The following CERT1 variants were observed in gnomAD, a reference collection of about 807,000 sequenced individuals.
CERT1 encodes ceramide transfer protein.
In CERT1, 31 loss-of-function variants were observed where a neutral mutation model predicts 87.9. The ratio of observed to expected loss-of-function variants is 0.35; its 90% CI spans 0.27 to 0.48. CERT1 has a LOEUF of 0.48. CERT1 is among the 20% of genes least tolerant of loss of function. CERT1 has a pLI of 0.99. For synonymous variants in CERT1, 289 were observed against 250.9 expected, an observed-to-expected ratio of 1.15 and a Z score of -1.44; for missense variants, 487 against 758.0, an observed-to-expected ratio of 0.64 and a Z score of 4.20.
intron 9 of CERT1, 40 bp from the exon 10 acceptor site, chr5:75,400,337 G>A: frequency 7.0e-7 from 1 of 1,426,290 alleles, no homozygotes; most frequent in Non-Finnish European, 9.8e-7. Context: ...AGGTTTTAAA[G>A]TGTATTTTGT....
At chr5:75,447,481 A>ATTTATTTTTTAT (rs1554041359) in intron 3 of CERT1, among the ~76,000 whole-genome samples, 4 of 133,180 alleles carry the variant, frequency 3.0e-5, no homozygotes, top group African/African-American at 1.2e-4. Context: ...TTTATTTTTT[A>ATTTATTTTTTAT]TTTTTTTGAG....
intron 3 of CERT1, among the ~76,000 whole-genome samples, chr5:75,454,764 G>A (rs558678073): frequency 4.6e-5 from 7 of 152,290 alleles, no homozygotes; most frequent in African/African-American, 1.7e-4. Flanking sequence ...GGGATTTGAA[G>A]CAAATTGGAA....
At position 75,379,195 on chromosome 5, in the gene CERT1, GACA is replaced by G; in HGVS notation, c.*148_*150del. 7.1e-6 allele frequency: 5 copies of G among 705,644 alleles called. No individual in the cohort carries two copies. The South Asian group carries it at 1.0e-4, about 14-fold the overall frequency. 43.7% of individuals were successfully genotyped at this position (705,644 alleles called of 1,614,324 possible). On this transcript the variant is annotated 3_prime_UTR_variant, in exon 17 of 17. Transcript: ENST00000643780. The stretch of plus-strand genomic sequence containing the variant: ...AGACCCTGTTTAAAACAACAACAAC[GACA>G]ACAACAAAAACCAACGAAACAATAC...
At chr5:75,464,369 A>G (rs892302617) in intron 2 of CERT1, among the ~76,000 whole-genome samples, 8 of 152,152 alleles carry the variant, frequency 5.3e-5, no homozygotes, top group African/African-American at 1.9e-4. Context: ...GCATAGTAAC[A>G]TTAGAGGCCC....
At chr5:75,435,678 A>C (rs1163070002) in intron 3 of CERT1, among the ~76,000 whole-genome samples, 1 of 152,072 alleles carries the variant, frequency 6.6e-6, no homozygotes, top group Admixed American at 6.5e-5. Flanking sequence ...GTTTCTGGAC[A>C]CTTTAAGGGG....
chr5:75,446,583 G>A (rs946330474), intron 3 of CERT1, among the ~76,000 whole-genome samples: 5 of 151,906 alleles, frequency 3.3e-5, no homozygotes, highest in African/African-American at 4.8e-5. Context: ...TTTTTTTGTT[G>A]AAAACTGGAA....
chr5:75,484,529 C>T (rs1224570105), intron 2 of CERT1, among the ~76,000 whole-genome samples: 3 of 146,184 alleles, frequency 2.1e-5, no homozygotes, highest in Non-Finnish European at 4.5e-5. Flanking sequence ...TATAAAGACA[C>T]AGACTGAAAA....
chr5:75,469,425 C>A (rs1765615833), intron 2 of CERT1, among the ~76,000 whole-genome samples: 1 of 151,882 alleles, frequency 6.6e-6, no homozygotes, highest in Admixed American at 6.6e-5. Flanking sequence ...ACTTTGCAAA[C>A]CTGGATTCAA....
At chr5:75,431,519 A>C (rs932180399) in intron 3 of CERT1, among the ~76,000 whole-genome samples, 2 of 152,200 alleles carry the variant, frequency 1.3e-5, no homozygotes, top group Non-Finnish European at 2.9e-5. Context: ...AACTGTTGGC[A>C]TCACCCACCT....
chr5:75,479,205 T>A (rs1766116025), intron 2 of CERT1, among the ~76,000 whole-genome samples: 1 of 152,294 alleles, frequency 6.6e-6, no homozygotes, highest in South Asian at 2.1e-4. Flanking sequence ...TTGCAAACAT[T>A]ATTAAACTAA....
chr5:75,420,647 CA>C (rs1474177627), intron 5 of CERT1, among the ~76,000 whole-genome samples: 1 of 152,134 alleles, frequency 6.6e-6, no homozygotes, highest in Non-Finnish European at 1.5e-5. Flanking sequence ...TAATTCCAGA[CA>C]AAAACAGAAT....
intron 12 of CERT1, among the ~76,000 whole-genome samples, chr5:75,388,599 C>CATATATATATATATATATATATATATAT (rs59799780): frequency 1.1e-5 from 1 of 91,858 alleles, no homozygotes; most frequent in Non-Finnish European, 2.4e-5. Context: ...AGCATGCATG[C>CATATATATATATATATATATATATATAT]ATATATATAT....
intron 3 of CERT1, among the ~76,000 whole-genome samples, chr5:75,434,245 C>G (rs1763996478): frequency 7.0e-6 from 1 of 143,390 alleles, no homozygotes; most frequent in African/African-American, 2.6e-5. Context: ...TTCCTGTTAT[C>G]CACTGAGATG....
intron 6 of CERT1, among the ~76,000 whole-genome samples, chr5:75,417,761 G>A (rs2112153069): frequency 6.6e-6 from 1 of 152,326 alleles, no homozygotes; most frequent in South Asian, 2.1e-4. Flanking sequence ...ACACTGTTAA[G>A]AGGATAAAGA....
In CERT1 at chr5:75,400,283, C is replaced by T. The variant is rs781310900; in HGVS notation, c.1032G>A (p.Lys344=). ...DKIEEQSQSE[K]VRLHWPTSLP... is the part of the protein sequence containing the mutation. ...AGGATGTAGGCCAATGTAATCTCAC[C>T]TTTTCACTCTGTGACTAAAAAAACA... The change falls in exon 10 of 17, where the codon AAG becomes AAA. Residue 344 remains lysine, a synonymous_variant. Coordinates refer to ENST00000643780, the MANE Select transcript of CERT1 (RefSeq NM_001379029.1). 4 of 1,612,368 alleles carry T rather than the reference C, an allele frequency of 2.5e-6. No individual in the cohort carries two copies. Among genetic ancestry groups the T allele is most frequent in the Non-Finnish European group, 3.4e-6 (4 of 1,178,564 alleles).
Position 75,386,029 on chromosome 5 carries a change from G to A in CERT1, c.1290C>T (p.Tyr430=). ...TCCCATTTTCTTCTACTTCTCTTCT[G>A]TATACCTAAAGAGAACATAATTCCA... ...LVVEEGEMKV[Y]RREVEENGIV... Residue 430 remains tyrosine, a synonymous_variant, in exon 13 of 17, where the codon TAC becomes TAT. Transcript: ENST00000643780. 6.5e-7 allele frequency: 1 copy of A among 1,541,992 alleles called. No homozygotes were observed. The highest frequency in any genetic ancestry group is 8.7e-7 in the Non-Finnish European group (1 of 1,147,118).
At chr5:75,482,072 A>G (rs1766271599) in intron 2 of CERT1, among the ~76,000 whole-genome samples, 1 of 152,172 alleles carries the variant, frequency 6.6e-6, no homozygotes, top group Non-Finnish European at 1.5e-5. Flanking sequence ...TTCTAAAACT[A>G]CTTCTTTCCT....
Position 75,422,191 on chromosome 5 carries a change from G to A in CERT1, c.596-2767C>T, listed in dbSNP as rs562635854. On this transcript the variant is annotated intron_variant, in intron 5 of 16. Transcript: ENST00000643780. Reference sequence around the variant, plus strand: ...AATTATTTCTTTTTTAAAGCTCCCCGAGATGATTACAGTATCAGCCAGACA... The same window carrying A: ...AATTATTTCTTTTTTAAAGCTCCCCAAGATGATTACAGTATCAGCCAGACA... Among the ~76,000 whole-genome samples, 27 of 152,104 alleles carry A rather than the reference G, an allele frequency of 1.8e-4. 1 individual carries two copies. In the South Asian group the frequency reaches 4.6e-3, roughly 26 times the overall value.
At chr5:75,445,029 T>A (rs930972502) in intron 3 of CERT1, among the ~76,000 whole-genome samples, 2 of 152,250 alleles carry the variant, frequency 1.3e-5, no homozygotes, top group African/African-American at 2.4e-5. Flanking sequence ...TTTGAAGCTC[T>A]GTCTTCACCC....
Sources: gnomAD v4.1 joint callset for allele counts (sites outside exome capture counted in the v4.1 genomes callset) on GRCh38, gnomAD v4.1.1 for gene constraint, MANE v1.5 for transcripts, NCBI Gene and HGNC (gene_info 2026-07-23, HGNC 2026-07-21) for gene names.